CAMSAP2: variants seen among roughly 807,000 people sequenced by gnomAD.
The protein encoded by CAMSAP2 is calmodulin regulated spectrin associated protein family member 2.
Under a neutral mutation model 146.1 loss-of-function variants are expected in CAMSAP2, and 26 were observed. That is an observed-to-expected ratio of 0.18 (90% CI 0.13 to 0.25). The LOEUF is 0.25. Among genes scored for constraint, CAMSAP2 ranks in the 10% least tolerant of loss-of-function variants. CAMSAP2 has a pLI of 1.00. For synonymous variants in CAMSAP2, 499 were observed against 596.6 expected (o/e 0.84, Z 2.38); for missense variants, 1,381 against 1,759.3 (o/e 0.78, Z 3.85).
chr1:200,814,155 G>GGCA (rs1666414341), intron 3 of CAMSAP2, among the ~76,000 whole-genome samples: 1 of 84,818 alleles, frequency 1.2e-5, no homozygotes, highest in Non-Finnish European at 2.3e-5. Flanking sequence ...GGCGGGTGGG[G>GGCA]AATGAAAATA....
intron 2 of CAMSAP2, among the ~76,000 whole-genome samples, chr1:200,761,626 T>C (rs566292919): frequency 5.9e-5 from 9 of 151,926 alleles, no homozygotes; most frequent in Non-Finnish European, 1.0e-4. Flanking sequence ...TCCCAGTTAC[T>C]TGGGAGGCTG....
intron 4 of CAMSAP2, among the ~76,000 whole-genome samples, chr1:200,831,035 C>T (rs145565158): frequency 1.6e-3 from 240 of 152,106 alleles, no homozygotes; most frequent in African/African-American, 5.8e-3. Context: ...TTTTTATTCT[C>T]ACAAAAGTGT....
At chr1:200,768,998 C>G (rs2103010755) in intron 2 of CAMSAP2, among the ~76,000 whole-genome samples, 1 of 152,142 alleles carries the variant, frequency 6.6e-6, no homozygotes. Context: ...CTTGATTTAT[C>G]AAGAATTGGG....
intron 2 of CAMSAP2, among the ~76,000 whole-genome samples, chr1:200,796,920 T>C (rs1321359301): frequency 2.0e-5 from 3 of 149,684 alleles, no homozygotes; most frequent in African/African-American, 4.9e-5. Context: ...GAATATGCGG[T>C]GTTTGGTTTT....
intron 4 of CAMSAP2, among the ~76,000 whole-genome samples, chr1:200,819,626 GT>G (rs200019786): frequency 2.0e-5 from 3 of 150,680 alleles, no homozygotes; most frequent in Admixed American, 6.6e-5. Context: ...CCTTGGGTTT[GT>G]TTTTTTTTAA....
In CAMSAP2 at chr1:200,835,988, G is replaced by T. The variant is rs73086671; in HGVS notation, c.927+3143G>T. Among the ~76,000 whole-genome samples, 1,469 of 151,988 alleles carry T rather than the reference G, an allele frequency of 9.7e-3. 33 individuals are homozygous for T. Among genetic ancestry groups the T allele is most frequent in the African/African-American group, 0.034 (1,403 of 41,460 alleles). On this transcript the variant is annotated intron_variant, in intron 6 of 16. Transcript: ENST00000358823. ...CATATAAAGATATTTTCTTAAATTAGGTATATTTAAACTATGATTTTCTAC... is the reference window on the plus strand; with the variant it reads ...CATATAAAGATATTTTCTTAAATTATGTATATTTAAACTATGATTTTCTAC...
At chr1:200,780,844 C>T (rs936374199) in intron 2 of CAMSAP2, among the ~76,000 whole-genome samples, 4 of 152,158 alleles carry the variant, frequency 2.6e-5, no homozygotes, top group Non-Finnish European at 2.9e-5. Context: ...GGCTACTTAA[C>T]GAGGTGGATA....
intron 2 of CAMSAP2, among the ~76,000 whole-genome samples, chr1:200,788,020 G>A (rs561123054): frequency 2.0e-5 from 3 of 152,180 alleles, no homozygotes; most frequent in South Asian, 2.1e-4. Flanking sequence ...ATATGCCTGG[G>A]GATATTAAAA....
intron 3 of CAMSAP2, among the ~76,000 whole-genome samples, chr1:200,811,600 C>T (rs1173731961): frequency 6.6e-6 from 1 of 152,166 alleles, no homozygotes; most frequent in African/African-American, 2.4e-5. Flanking sequence ...CCAGTACCTC[C>T]AACAGATGCT....
At chr1:200,748,280 G>A (rs1664400782) in intron 1 of CAMSAP2, among the ~76,000 whole-genome samples, 1 of 152,118 alleles carries the variant, frequency 6.6e-6, no homozygotes, top group Non-Finnish European at 1.5e-5. Flanking sequence ...CAAACATCAT[G>A]TCATCCCATC....
At chr1:200,779,823 A>T (rs1021093650) in intron 2 of CAMSAP2, among the ~76,000 whole-genome samples, 2 of 152,176 alleles carry the variant, frequency 1.3e-5, no homozygotes, top group Non-Finnish European at 2.9e-5. Context: ...AATGTGTTTA[A>T]TAACTATAGA....
chr1:200,806,461 T>G (rs906186554), intron 2 of CAMSAP2, among the ~76,000 whole-genome samples: 1 of 152,096 alleles, frequency 6.6e-6, no homozygotes. Context: ...GCTGATAACG[T>G]TGGTGGGAGA....
rs776575955 is a variant in CAMSAP2, at chr1:200,853,230, G to T, written c.3603-45G>T. Reference sequence around the variant, plus strand: ...TACATAACTCTCTCCTGTATGGTTTGTCTTTGGTATGCAGAATAAGAACTG... The same window carrying T: ...TACATAACTCTCTCCTGTATGGTTTTTCTTTGGTATGCAGAATAAGAACTG... On this transcript the variant is annotated intron_variant, in intron 12 of 16. Transcript: ENST00000358823. The surrounding 1 kb of genome is among the most constrained non-coding windows in gnomAD (Gnocchi z 5.1). 20 of 1,524,408 alleles carry T rather than the reference G, an allele frequency of 1.3e-5. No homozygotes were observed. The Admixed American group carries it at 3.4e-4, about 26-fold the overall frequency. The allele number at this position is 1,524,408 out of a possible 1,614,324, so 94.4% of individuals were successfully genotyped here.
chr1:200,850,743 A>G (rs1667598876), intron 11 of CAMSAP2, among the ~76,000 whole-genome samples: 1 of 152,132 alleles, frequency 6.6e-6, no homozygotes, highest in Non-Finnish European at 1.5e-5. Flanking sequence ...TCACCACCCC[A>G]TTACTCATCT....
intron 4 of CAMSAP2, among the ~76,000 whole-genome samples, chr1:200,822,087 A>C (rs1397897342): frequency 6.6e-6 from 1 of 150,966 alleles, no homozygotes; most frequent in African/African-American, 2.4e-5. Flanking sequence ...CAGTTTTTCA[A>C]ACTGAAAATT....
At chr1:200,785,248 T>G (rs1396911261) in intron 2 of CAMSAP2, among the ~76,000 whole-genome samples, 2 of 152,218 alleles carry the variant, frequency 1.3e-5, no homozygotes, top group Non-Finnish European at 2.9e-5. Flanking sequence ...GTAATACTGT[T>G]TTTATATAAT....
intron 1 of CAMSAP2, among the ~76,000 whole-genome samples, chr1:200,740,268 GTATT>G (rs1308510874): frequency 6.6e-6 from 1 of 151,904 alleles, no homozygotes; most frequent in Non-Finnish European, 1.5e-5. Flanking sequence ...TTGATTTGTG[GTATT>G]TTCTTCATTG....
chr1:200,793,141 A>G (rs1035185699), intron 2 of CAMSAP2, among the ~76,000 whole-genome samples: 2 of 152,204 alleles, frequency 1.3e-5, no homozygotes, highest in African/African-American at 2.4e-5. Flanking sequence ...ACAGACCCCA[A>G]CAATGATCAG....
At position 200,739,619 on chromosome 1, in the gene CAMSAP2, G is replaced by GGGC. The variant is rs1664086984; in HGVS notation, c.-209_-208insGGC. The GGGC allele has an allele frequency of 6.7e-6, 2 of 297,892 alleles. No homozygotes were observed. Among genetic ancestry groups the GGGC allele is most frequent in the East Asian group, 7.1e-5 (1 of 14,064 alleles). The allele number at this position is 297,892 out of a possible 1,614,324, so 18.5% of individuals were successfully genotyped here. A position where few individuals can be genotyped will look rare whatever the true frequency, so the allele number is the denominator to read the frequency against. On this transcript the variant is annotated 5_prime_UTR_variant, in exon 1 of 17. Transcript: ENST00000358823. This position sits in a 1 kb window ranked among gnomAD's most constrained non-coding sequence, Gnocchi z 4.8. ...GGCGCCGCCACATTCCTATGCCCGG[G>GGGC]AGCGGCGGCGGCGGCGGCGGCGGCT...
Sources: allele counts gnomAD v4.1 joint callset (sites outside exome capture counted in the v4.1 genomes callset), GRCh38; gene constraint gnomAD v4.1.1; non-coding constraint Gnocchi (gnomAD v3.1); transcripts MANE v1.5; gene names NCBI Gene and HGNC (gene_info 2026-07-23, HGNC 2026-07-21).